The following COL5A2 variants were observed in gnomAD, a reference collection of about 807,000 sequenced individuals.
COL5A2 encodes the protein collagen alpha-2(V) chain.
A neutral mutation model predicts 208.2 loss-of-function variants in COL5A2; 23 were observed. That is an observed-to-expected ratio of 0.11 (90% confidence interval 0.08 to 0.16). The LOEUF (loss-of-function observed/expected upper bound fraction) is 0.16, where lower values mean the gene tolerates loss of function less well. Among genes scored for constraint, COL5A2 ranks in the 10% least tolerant of loss-of-function variants. The pLI is 1.00. For missense variants in COL5A2, 1,590 were observed against 1,956.4 expected (o/e 0.81, Z 3.53); for synonymous variants, 625 against 628.5 (o/e 0.99, Z 0.08).
chr2:189,375,807 T>G, the COL5A2 span, among the ~76,000 whole-genome samples: 1 of 152,208 alleles, frequency 6.6e-6, no homozygotes, highest in Non-Finnish European at 1.5e-5. Flanking sequence ...AAAATTAGTT[T>G]TATTATGTAT....
the COL5A2 span, among the ~76,000 whole-genome samples, chr2:189,399,896 C>T: frequency 1.3e-5 from 2 of 151,846 alleles, no homozygotes; most frequent in African/African-American, 2.4e-5. Flanking sequence ...AGACAGGGTC[C>T]CATTATGTTG....
chr2:189,354,715 C>G, the COL5A2 span, among the ~76,000 whole-genome samples: 2 of 152,054 alleles, frequency 1.3e-5, no homozygotes, highest in African/African-American at 4.8e-5. Context: ...TTTTGTTGAT[C>G]TTTTCAAAAA....
At chr2:189,136,542 CATGTAT>C in intron 1 of COL5A2, among the ~76,000 whole-genome samples, 1 of 150,066 alleles carries the variant, frequency 6.7e-6, no homozygotes, top group East Asian at 2.0e-4. Context: ...AAATATCATA[CATGTAT>C]AACAATGGAG....
chr2:189,155,081 G>A (rs991255185), intron 1 of COL5A2, among the ~76,000 whole-genome samples: 2 of 152,238 alleles, frequency 1.3e-5, no homozygotes, highest in East Asian at 3.9e-4. Context: ...CTGGGCTCAA[G>A]GGACCCTCCC....
chr2:189,357,473 G>A, the COL5A2 span, among the ~76,000 whole-genome samples: 7 of 152,114 alleles, frequency 4.6e-5, no homozygotes, highest in Admixed American at 3.9e-4. Flanking sequence ...GCTGTGGTGG[G>A]CTCCACCAAA....
intron 18 of COL5A2, among the ~76,000 whole-genome samples, chr2:189,070,775 A>G (rs1686257164): frequency 6.6e-6 from 1 of 152,152 alleles, no homozygotes; most frequent in African/African-American, 2.4e-5. Context: ...ATAGGGGTAT[A>G]TAGAGAGTCT....
In COL5A2 at chr2:189,049,336, G is replaced by C; in HGVS notation, c.3147+11C>G. On this transcript the variant is annotated intron_variant, in intron 44 of 53. Coordinates refer to ENST00000374866, the MANE Select transcript of COL5A2 (RefSeq NM_000393.5). ...TAACAAGAGAAGAGTTATTTTCACTGTAGTACTCACTTCTGGTCCAGGTTC... is the reference window on the plus strand; with the variant it reads ...TAACAAGAGAAGAGTTATTTTCACTCTAGTACTCACTTCTGGTCCAGGTTC... 1.9e-6 allele frequency: 3 copies of C among 1,565,868 alleles called. No individual in the cohort carries two copies. Among genetic ancestry groups the C allele is most frequent in the Non-Finnish European group, 2.6e-6 (3 of 1,138,400 alleles).
chr2:189,259,501 T>C, the COL5A2 span, among the ~76,000 whole-genome samples: 2 of 152,226 alleles, frequency 1.3e-5, no homozygotes, highest in African/African-American at 4.8e-5. Flanking sequence ...TTAGGGAATA[T>C]GATTACCCAT....
chr2:189,312,096 G>T, the COL5A2 span: 2 of 789,558 alleles, frequency 2.5e-6, no homozygotes, highest in Non-Finnish European at 2.3e-6. Context: ...AATGATGCTG[G>T]CATTGTCCAC....
intron 1 of COL5A2, among the ~76,000 whole-genome samples, chr2:189,116,122 A>T (rs971197647): frequency 5.9e-5 from 9 of 152,104 alleles, no homozygotes; most frequent in Admixed American, 4.6e-4. Context: ...ACCATTACTT[A>T]AAGTTTCTCT....
chr2:189,211,878 T>C (rs1310228625), intron 1 of COL5A2, among the ~76,000 whole-genome samples: 1 of 152,094 alleles, frequency 6.6e-6, no homozygotes, highest in Non-Finnish European at 1.5e-5. Context: ...AATATATAAA[T>C]GTGTGGGTAC....
chr2:189,371,992 G>C, the COL5A2 span, among the ~76,000 whole-genome samples: 1 of 152,194 alleles, frequency 6.6e-6, no homozygotes, highest in Non-Finnish European at 1.5e-5. Flanking sequence ...TACCATCACA[G>C]GTCAAGAGGC....
At chr2:189,256,294 C>G in the COL5A2 span, among the ~76,000 whole-genome samples, 1 of 152,282 alleles carries the variant, frequency 6.6e-6, no homozygotes, top group African/African-American at 2.4e-5. Context: ...AGACTGAAAA[C>G]AGGAAGAGTT....
At chr2:189,094,781 C>T (rs890620586) in intron 6 of COL5A2, among the ~76,000 whole-genome samples, 2 of 149,140 alleles carry the variant, frequency 1.3e-5, no homozygotes, top group Admixed American at 6.8e-5. Flanking sequence ...AGTTTGCTAG[C>T]TTGTCACTAT....
the COL5A2 span, among the ~76,000 whole-genome samples, chr2:189,277,757 C>A: frequency 8.5e-5 from 13 of 152,064 alleles, no homozygotes; most frequent in Non-Finnish European, 1.8e-4. Context: ...TAAAACTATT[C>A]TAAAAGAATA....
At chr2:189,433,751 A>G in the COL5A2 span, among the ~76,000 whole-genome samples, 121,548 of 151,500 alleles carry the variant, frequency 0.8, 50,210 homozygotes, top group Non-Finnish European at 0.91. Context: ...TCTACCAGAG[A>G]TACAAGGAGG....
rs182520092 is a variant in COL5A2, at chr2:189,205,730, T to C, written c.-42+19418A>G. Among the ~76,000 whole-genome samples, 8 of 152,350 alleles carry C rather than the reference T, an allele frequency of 5.3e-5. No homozygotes were observed. The East Asian group carries it at 1.5e-3, about 29-fold the overall frequency. On this transcript the variant is annotated intron_variant, in intron 1 of 10. Coordinates refer to the COL5A2 transcript ENST00000649966. ...TTATTGGTTATCTACATTCATATTT[T>C]AATTTCTTGTGATTCCTATAGTAAT...
At chr2:189,083,855 T>C in intron 12 of COL5A2, 129 bp downstream of exon 12, 1 of 743,556 alleles carries the variant, frequency 1.3e-6, no homozygotes, top group Non-Finnish European at 2.3e-6. Context: ...TTTTACATTT[T>C]TACGGAAACA....
Position 189,130,166 on chromosome 2 carries a change from C to T in COL5A2, c.98-19717G>A, listed in dbSNP as rs1687683581. Among the ~76,000 whole-genome samples, 4 of 152,154 alleles carry T rather than the reference C, an allele frequency of 2.6e-5. No homozygotes were observed. The South Asian group carries it at 8.3e-4, about 31-fold the overall frequency. The stretch of plus-strand genomic sequence containing the variant: ...TGAAAGAAACAGTCTTGTCTAATTT[C>T]ACATGAGAATTTTCCTTCCTTTAGT... On this transcript the variant is annotated intron_variant, in intron 1 of 53. Transcript: ENST00000374866.
Sources: gnomAD v4.1 joint callset for allele counts (sites outside exome capture counted in the v4.1 genomes callset) on GRCh38, gnomAD v4.1.1 for gene constraint, MANE v1.5 for transcripts, NCBI Gene and HGNC (gene_info 2026-07-23, HGNC 2026-07-21) for gene names.